The following GYS2 variants were observed in gnomAD, a reference collection of about 807,000 sequenced individuals.
The protein encoded by GYS2 is glycogen [starch] synthase, liver.
In GYS2, 80 loss-of-function variants were observed where a neutral mutation model predicts 85.6. The ratio of observed to expected loss-of-function variants is 0.93; its 90% CI spans 0.78 to 1.13. GYS2 has a LOEUF of 1.13. Ranked by LOEUF, GYS2 falls within the 50% of genes most tolerant of loss-of-function variation. The pLI, the probability that GYS2 is intolerant of heterozygous loss-of-function variation, is 0.00. For synonymous variants in GYS2, 328 were observed against 300.7 expected, an observed-to-expected ratio of 1.09 and a Z score of -0.94; for missense variants, 881 against 854.9, an observed-to-expected ratio of 1.03 and a Z score of -0.38.
At chr12:21,596,105 G>C (rs905346696) in intron 1 of GYS2, among the ~76,000 whole-genome samples, 2 of 151,864 alleles carry the variant, frequency 1.3e-5, no homozygotes, top group Non-Finnish European at 2.9e-5. Context: ...GATTTAATTG[G>C]TAATTAAAAA....
At chr12:21,559,750 C>T (rs1379319952) in intron 8 of GYS2, 40 bp from the exon 9 acceptor site, 22 of 1,215,182 alleles carry the variant, frequency 1.8e-5, no homozygotes, top group Non-Finnish European at 2.6e-5. Context: ...AACAGTATGA[C>T]AATGTTTAAT....
chr12:21,570,572 A>G (rs1410002877), intron 4 of GYS2, among the ~76,000 whole-genome samples: 1 of 152,256 alleles, frequency 6.6e-6, no homozygotes, highest in Non-Finnish European at 1.5e-5. Flanking sequence ...TGGCATTTGG[A>G]CCAGGATATG....
intron 4 of GYS2, among the ~76,000 whole-genome samples, chr12:21,572,193 T>A (rs905353788): frequency 6.6e-6 from 1 of 152,230 alleles, no homozygotes; most frequent in Non-Finnish European, 1.5e-5. Flanking sequence ...TGAATTTTAC[T>A]AAAAACTTAA....
At chr12:21,538,918 A>G (rs1565590425) in intron 15 of GYS2, among the ~76,000 whole-genome samples, 1 of 152,194 alleles carries the variant, frequency 6.6e-6, no homozygotes, top group African/African-American at 2.4e-5. Context: ...CGGTCACCCT[A>G]TATTTAAACA....
At chr12:21,557,224 T>C (rs1362114919) in intron 11 of GYS2, among the ~76,000 whole-genome samples, 1 of 152,246 alleles carries the variant, frequency 6.6e-6, no homozygotes, top group Non-Finnish European at 1.5e-5. Context: ...CATTAGTGGA[T>C]GGAGCTTAGT....
At chr12:21,553,557 A>T (rs1245641245) in intron 11 of GYS2, among the ~76,000 whole-genome samples, 1 of 152,170 alleles carries the variant, frequency 6.6e-6, no homozygotes, top group African/African-American at 2.4e-5. Context: ...AGGTGCCTTT[A>T]ATGGGCAATT....
rs1944038062 is a variant in GYS2, at chr12:21,546,281, A to G, written c.1549+63T>C. The G allele has an allele frequency of 6.3e-6, 7 of 1,110,608 alleles. No individual in the cohort carries two copies. In the South Asian group the frequency reaches 9.8e-5, roughly 16 times the overall value. The allele number at this position is 1,110,608 out of a possible 1,614,324, so 68.8% of individuals were successfully genotyped here. Reference sequence around the variant, plus strand: ...AATATCAACTTTGAATATTATATATATGCACATAAAATAATATACTAACAA... The same window carrying G: ...AATATCAACTTTGAATATTATATATGTGCACATAAAATAATATACTAACAA... On this transcript the variant is annotated intron_variant, in intron 12 of 15. Transcript: ENST00000261195.
intron 13 of GYS2, among the ~76,000 whole-genome samples, chr12:21,542,072 G>A (rs1242819360): frequency 6.6e-6 from 1 of 151,060 alleles, no homozygotes; most frequent in Non-Finnish European, 1.5e-5. Flanking sequence ...TTATGAGACA[G>A]CCTGAGGCTC....
rs1409001505 is a variant in GYS2 at position 21,604,532 on chromosome 12, C to G, written c.61G>C (p.Glu21Gln). 2 of 1,612,328 alleles carry G rather than the reference C, an allele frequency of 1.2e-6. No homozygotes were observed. The highest frequency in any genetic ancestry group is 1.7e-6 in the Non-Finnish European group (2 of 1,178,700). ...AGTAACTCCTCCACAGGAAGTTCTT[C>G]GACTTCCCACTGGGGAAGCCCACCC... ...SLGGLPQWEV[E>Q]ELPVEELLLF... The change falls in exon 1 of 16, where the codon GAA (glutamate) becomes CAA (glutamine). Residue 21 changes from glutamate to glutamine, a missense_variant. By Grantham distance (29) the Glu-to-Gln change is conservative (BLOSUM62 2). Coordinates refer to ENST00000261195, the MANE Select transcript of GYS2 (RefSeq NM_021957.4).
rs1018803120 is a variant in GYS2 at position 21,576,110 on chromosome 12, A to G, written c.304-53T>C. On this transcript the variant is annotated intron_variant, in intron 2 of 15. Coordinates refer to ENST00000261195, the MANE Select transcript of GYS2 (RefSeq NM_021957.4). ...GTGATATTAAGTCATGCAAGACAGG[A>G]CAATGTATTTGCACTCTGAGGATAT... 2.1e-6 allele frequency: 3 copies of G among 1,408,162 alleles called. No individual in the cohort carries two copies. In the Admixed American group the frequency reaches 5.0e-5, roughly 24 times the overall value. The allele number at this position is 1,408,162 out of a possible 1,614,324, so 87.2% of individuals were successfully genotyped here.
At chr12:21,587,111 G>A (rs1483353515) in intron 1 of GYS2, among the ~76,000 whole-genome samples, 1 of 152,182 alleles carries the variant, frequency 6.6e-6, no homozygotes, top group African/African-American at 2.4e-5. Flanking sequence ...CTCATTTAGT[G>A]AGAGCCAAGT....
downstream of GYS2, among the ~76,000 whole-genome samples, chr12:21,535,585 C>T (rs1338939930): frequency 6.6e-6 from 1 of 152,066 alleles, no homozygotes; most frequent in East Asian, 1.9e-4. Flanking sequence ...TGCTTGTATC[C>T]AACAGTTTTC....
At chr12:21,595,194 C>T (rs1309787667) in intron 1 of GYS2, among the ~76,000 whole-genome samples, 2 of 152,100 alleles carry the variant, frequency 1.3e-5, no homozygotes, top group Non-Finnish European at 2.9e-5. Flanking sequence ...CTCAGATGGA[C>T]AGAGCAGCAT....
chr12:21,592,161 A>G (rs1018695386), intron 1 of GYS2, among the ~76,000 whole-genome samples: 11 of 150,432 alleles, frequency 7.3e-5, no homozygotes, highest in Admixed American at 3.3e-4. Context: ...GAAAGAAAGA[A>G]AGAGAGAGAG....
At chr12:21,549,706 G>C (rs1944083969) in intron 11 of GYS2, among the ~76,000 whole-genome samples, 1 of 152,098 alleles carries the variant, frequency 6.6e-6, no homozygotes, top group African/African-American at 2.4e-5. Context: ...ATTAGATTTA[G>C]TTCACACATC....
intron 7 of GYS2, 43 bp downstream of exon 7, chr12:21,562,875 T>C (rs1944271817): frequency 6.2e-7 from 1 of 1,608,300 alleles, no homozygotes; most frequent in Admixed American, 1.7e-5. Context: ...AGAAGAAAGT[T>C]CTCCCTACAA....
At chr12:21,583,868 A>G (rs984558225) in intron 1 of GYS2, among the ~76,000 whole-genome samples, 3 of 152,228 alleles carry the variant, frequency 2.0e-5, no homozygotes, top group African/African-American at 7.2e-5. Context: ...ATTGGGCTTG[A>G]GCAGATCCTG....
At chr12:21,582,612 TATA>T (rs972538821) in intron 1 of GYS2, among the ~76,000 whole-genome samples, 1 of 151,586 alleles carries the variant, frequency 6.6e-6, no homozygotes, top group African/African-American at 2.4e-5. Flanking sequence ...TAGATATAGA[TATA>T]GATATAGATA....
At chr12:21,553,061 T>C (rs1422839782) in intron 11 of GYS2, among the ~76,000 whole-genome samples, 2 of 152,226 alleles carry the variant, frequency 1.3e-5, no homozygotes, top group African/African-American at 4.8e-5. Context: ...ATTTATGAAT[T>C]CTTTTTGAGA....
Sources: gnomAD v4.1 joint callset for allele counts (sites outside exome capture counted in the v4.1 genomes callset) on GRCh38, gnomAD v4.1.1 for gene constraint, MANE v1.5 for transcripts, NCBI Gene and HGNC (gene_info 2026-07-23, HGNC 2026-07-21) for gene names.